POLR3B: variants seen among roughly 807,000 people sequenced by gnomAD.
POLR3B encodes the protein DNA-directed RNA polymerase III subunit RPC2.
In POLR3B, 96 loss-of-function variants were observed where a neutral mutation model predicts 147.4. The ratio of observed to expected loss-of-function variants is 0.65; its 90% CI spans 0.55 to 0.77. The LOEUF (loss-of-function observed/expected upper bound fraction) is 0.77. Among genes scored for constraint, POLR3B ranks in the 30% least tolerant of loss-of-function variants. POLR3B has a pLI of 0.00. For missense variants in POLR3B, 1,036 were observed against 1,413.5 expected (o/e 0.73, Z 4.28); for synonymous variants, 461 against 485.9 (o/e 0.95, Z 0.67).
intron 23 of POLR3B, among the ~76,000 whole-genome samples, chr12:106,469,678 G>A (rs2038061515): frequency 6.6e-6 from 1 of 152,180 alleles, no homozygotes; most frequent in South Asian, 2.1e-4. Flanking sequence ...TTGTTTGTCT[G>A]TAAAGGATTT....
chr12:106,391,051 C>T (rs1427847563), intron 9 of POLR3B, among the ~76,000 whole-genome samples: 1 of 152,090 alleles, frequency 6.6e-6, no homozygotes, highest in African/African-American at 2.4e-5. Flanking sequence ...ACCGCTTCAC[C>T]AAAGAGAACA....
intron 1 of POLR3B, chr12:106,358,227 G>C (rs924517953): frequency 2.9e-6 from 4 of 1,392,230 alleles, no homozygotes; most frequent in Admixed American, 3.0e-5. Context: ...GCATAGGTGT[G>C]CGTGGGGAGG....
At chr12:106,415,132 A>G (rs974549995) in intron 12 of POLR3B, among the ~76,000 whole-genome samples, 3 of 152,170 alleles carry the variant, frequency 2.0e-5, no homozygotes, top group Admixed American at 2.0e-4. Flanking sequence ...CTTCAACTTC[A>G]GTGTAACCTC....
chr12:106,501,879 A>C (rs988394615), intron 26 of POLR3B, among the ~76,000 whole-genome samples: 1 of 152,180 alleles, frequency 6.6e-6, no homozygotes, highest in Non-Finnish European at 1.5e-5. Flanking sequence ...AGCATAAAGT[A>C]CCTCCACTTG....
intron 22 of POLR3B, among the ~76,000 whole-genome samples, chr12:106,460,433 A>G (rs183146548): frequency 5.7e-4 from 87 of 152,344 alleles, no homozygotes; most frequent in African/African-American, 1.9e-3. Flanking sequence ...TCACACAGCA[A>G]TAAAGGGCAG....
Position 106,358,217 on chromosome 12 carries a change from G to C in POLR3B, c.72+266G>C, listed in dbSNP as rs547033135. Reference sequence around the variant, plus strand: ...TGGCTCTAGGGTTGGAGCTCTTCCAGCATAGGTGTGCGTGGGGAGGACTGA... The same window carrying C: ...TGGCTCTAGGGTTGGAGCTCTTCCACCATAGGTGTGCGTGGGGAGGACTGA... On this transcript the variant is annotated intron_variant, in intron 1 of 27. Coordinates refer to ENST00000228347, the MANE Select transcript of POLR3B (RefSeq NM_018082.6). 1.5e-4 allele frequency: 217 copies of C among 1,401,782 alleles called. 1 individual carries two copies. In the African/African-American group the frequency reaches 2.9e-3, roughly 19 times the overall value. The allele number at this position is 1,401,782 out of a possible 1,614,324, so 86.8% of individuals were successfully genotyped here. A position where few individuals can be genotyped will look rare whatever the true frequency, so the allele number is the denominator to read the frequency against.
At chr12:106,463,016 C>T (rs1431837594) in intron 22 of POLR3B, among the ~76,000 whole-genome samples, 1 of 151,806 alleles carries the variant, frequency 6.6e-6, no homozygotes, top group African/African-American at 2.4e-5. Flanking sequence ...GTTATGTGTC[C>T]GAAGGCTACC....
At chr12:106,491,816 G>A (rs2038411221) in intron 23 of POLR3B, among the ~76,000 whole-genome samples, 1 of 152,118 alleles carries the variant, frequency 6.6e-6, no homozygotes, top group South Asian at 2.1e-4. Flanking sequence ...CAGCAATTGA[G>A]GGAAATGATT....
chr12:106,490,728 G>A (rs1251925635), intron 23 of POLR3B, among the ~76,000 whole-genome samples: 2 of 152,162 alleles, frequency 1.3e-5, no homozygotes, highest in Non-Finnish European at 2.9e-5. Flanking sequence ...AACCACCTGT[G>A]TTAGCCTTAA....
intron 6 of POLR3B, among the ~76,000 whole-genome samples, chr12:106,371,234 A>G (rs1049438197): frequency 1.3e-5 from 2 of 152,214 alleles, no homozygotes; most frequent in African/African-American, 4.8e-5. Flanking sequence ...CAAAACCACA[A>G]TGAGATACCA....
chr12:106,376,343 GTTTTA>G lies in POLR3B; in HGVS notation c.405-9_405-5del, dbSNP rs2036678181. ...CAGCCTACATGTGATATTTTCTTTT[GTTTTA>G]TTTTATACAGAATGCCCATAATGCT... On this transcript the variant is annotated splice_polypyrimidine_tract_variant and intron_variant, in intron 6 of 27. Coordinates refer to ENST00000228347, the MANE Select transcript of POLR3B (RefSeq NM_018082.6). 2 of 1,576,656 alleles carry G rather than the reference GTTTTA, an allele frequency of 1.3e-6. No homozygotes were observed. The highest frequency in any genetic ancestry group is 1.7e-6 in the Non-Finnish European group (2 of 1,149,350).
intron 27 of POLR3B, among the ~76,000 whole-genome samples, chr12:106,506,898 A>G (rs1230547199): frequency 6.6e-6 from 1 of 152,014 alleles, no homozygotes; most frequent in African/African-American, 2.4e-5. Flanking sequence ...TGCTGGGTTG[A>G]GTGGGAGGGA....
chr12:106,473,136 C>G (rs1168052212), intron 23 of POLR3B, among the ~76,000 whole-genome samples: 3 of 98,846 alleles, frequency 3.0e-5, no homozygotes, highest in Non-Finnish European at 5.8e-5. Flanking sequence ...TTCCCCATTG[C>G]TTGTTTTTCT....
At chr12:106,375,582 A>G (rs148250428) in intron 6 of POLR3B, among the ~76,000 whole-genome samples, 120 of 152,322 alleles carry the variant, frequency 7.9e-4, no homozygotes, top group Non-Finnish European at 1.3e-3. Context: ...CAGTAATTAT[A>G]TCTTCAGCAG....
chr12:106,424,837 G>A (rs1365293071), intron 12 of POLR3B, among the ~76,000 whole-genome samples: 2 of 152,096 alleles, frequency 1.3e-5, no homozygotes, highest in Non-Finnish European at 2.9e-5. Context: ...AGGTCAATTT[G>A]GGGAGAACTG....
At chr12:106,468,417 A>AT (rs564579167) in intron 23 of POLR3B, among the ~76,000 whole-genome samples, 15 of 151,866 alleles carry the variant, frequency 9.9e-5, no homozygotes, top group Admixed American at 3.3e-4. Context: ...GGATTTATTG[A>AT]TTTTTTTGAC....
At chr12:106,466,729 G>A (rs917700023) in intron 23 of POLR3B, among the ~76,000 whole-genome samples, 1 of 152,088 alleles carries the variant, frequency 6.6e-6, no homozygotes, top group Admixed American at 6.5e-5. Flanking sequence ...CATTGCTTGT[G>A]TGTGTCAGGT....
At chr12:106,430,518 T>G (rs1490636000) in intron 14 of POLR3B, 45 bp downstream of exon 14, 1 of 1,489,334 alleles carries the variant, frequency 6.7e-7, no homozygotes, top group South Asian at 1.1e-5. Flanking sequence ...AGGCGATACC[T>G]ATGTCTGTGC....
chr12:106,373,263 T>C (rs73186447), intron 6 of POLR3B, among the ~76,000 whole-genome samples: 8,945 of 152,304 alleles, frequency 0.059, 359 homozygotes, highest in East Asian at 0.14. Flanking sequence ...TTTGAAGCTA[T>C]GATATTAGGT....
Sources: allele counts gnomAD v4.1 joint callset (sites outside exome capture counted in the v4.1 genomes callset), GRCh38; gene constraint gnomAD v4.1.1; transcripts MANE v1.5; gene names NCBI Gene and HGNC (gene_info 2026-07-23, HGNC 2026-07-21).